Variants in LUZP1 observed in about 807,000 individuals in gnomAD.
LUZP1 encodes the protein leucine zipper protein 1, also known as filamin mechanobinding actin cross-linking protein.
LUZP1 carries 25 observed loss-of-function variants against 71.3 expected under a neutral mutation model. The ratio of observed to expected loss-of-function variants is 0.35; its 90% CI spans 0.26 to 0.49. LUZP1 has a LOEUF of 0.49. LUZP1 is among the 20% of genes least tolerant of loss of function. LUZP1 has a pLI of 0.99. For missense variants in LUZP1, 1,142 were observed against 1,300.8 expected (o/e 0.88, Z 1.88); for synonymous variants, 481 against 506.4 (o/e 0.95, Z 0.67).
chr1:23,137,689 TA>T (rs533792226), intron 2 of LUZP1, among the ~76,000 whole-genome samples: 43 of 151,244 alleles, frequency 2.8e-4, no homozygotes, highest in African/African-American at 9.0e-4. Context: ...ATGGCTGTAA[TA>T]AAAAAAAGAC....
intron 3 of LUZP1, among the ~76,000 whole-genome samples, chr1:23,105,528 G>A (rs1643973381): frequency 6.6e-6 from 1 of 152,158 alleles, no homozygotes; most frequent in South Asian, 2.1e-4. Flanking sequence ...TACCTATAAG[G>A]TTATGGTATG....
At chr1:23,128,942 T>G (rs72657851) in intron 2 of LUZP1, among the ~76,000 whole-genome samples, 8,475 of 152,294 alleles carry the variant, frequency 0.056, 300 homozygotes, top group Non-Finnish European at 0.084. Context: ...CAATAAACAT[T>G]AACAGCATAA....
exon 4 of LUZP1, chr1:23,091,970 A>C (rs751890782): frequency 6.2e-7 from 1 of 1,613,984 alleles, no homozygotes; most frequent in South Asian, 1.1e-5. Flanking sequence ...TTTTTTTCAC[A>C]TCCTTATCAA....
At chr1:23,084,020 A>AGTCT (rs1335557421), downstream of LUZP1, 2 of 152,208 alleles carry the variant, frequency 1.3e-5, no homozygotes, top group African/African-American at 4.8e-5. Context: ...GCTGAAACAA[A>AGTCT]GTCTGAGCCT....
chr1:23,094,228 A>T lies in LUZP1; in HGVS notation c.34T>A (p.Ser12Thr). 6.2e-7 allele frequency: 1 copy of T among 1,612,904 alleles called. No individual in the cohort carries two copies. Among genetic ancestry groups the T allele is most frequent in the South Asian group, 1.1e-5 (1 of 90,884 alleles). Reference sequence around the variant, plus strand: ...AGCTTAAACCGCAAGTGGCGGCTGGAGGCCGTCTCCTTGTAGCTTGTAAAT... The same window carrying T: ...AGCTTAAACCGCAAGTGGCGGCTGGTGGCCGTCTCCTTGTAGCTTGTAAAT... The change falls in exon 4 of 5, where the codon TCC (serine) becomes ACC (threonine). Residue 12 changes from serine to threonine, a missense_variant. Physicochemically the swap from Ser to Thr is moderately conservative, Grantham distance 58. Transcript: ENST00000302291. The surrounding 1 kb of genome is among the most constrained non-coding windows in gnomAD (Gnocchi z 4.7).
chr1:23,120,173 G>A (rs766494986), intron 2 of LUZP1, among the ~76,000 whole-genome samples: 2 of 151,164 alleles, frequency 1.3e-5, no homozygotes, highest in Non-Finnish European at 3.0e-5. Context: ...AAACTCCAGA[G>A]CTCGAGCAAT....
chr1:23,132,455 C>T (rs1018144286), intron 2 of LUZP1, among the ~76,000 whole-genome samples: 6 of 151,418 alleles, frequency 4.0e-5, no homozygotes, highest in Non-Finnish European at 7.4e-5. Flanking sequence ...CTTTACTGTC[C>T]AATTCTTAAT....
At chr1:23,139,425 G>C (rs1046307133) in intron 2 of LUZP1, among the ~76,000 whole-genome samples, 4 of 152,004 alleles carry the variant, frequency 2.6e-5, no homozygotes, top group Admixed American at 2.6e-4. Flanking sequence ...GAACTGCACA[G>C]GTCCATTTAC....
At chr1:23,088,374 AAG>A (rs1643799514) in exon 5 of LUZP1, 1 of 152,938 alleles carries the variant, frequency 6.5e-6, no homozygotes, top group African/African-American at 2.4e-5. Flanking sequence ...GTCTGAAGAA[AAG>A]AACTCCAAGG....
chr1:23,088,684 A>T (rs984225171), exon 5 of LUZP1: 20 of 534,528 alleles, frequency 3.7e-5, no homozygotes, highest in Middle Eastern at 4.9e-4. Context: ...GCATTGGGGA[A>T]GGTTGGGCCT....
chr1:23,175,088 AG>A (rs1025169530), intron 1 of LUZP1, among the ~76,000 whole-genome samples: 6 of 152,098 alleles, frequency 3.9e-5, no homozygotes, highest in Non-Finnish European at 5.9e-5. Context: ...TAAAGGTTAT[AG>A]GGGGTCATTA....
chr1:23,177,611 G>A (rs928397803), exon 1 of LUZP1: 1 of 152,474 alleles, frequency 6.6e-6, no homozygotes, highest in African/African-American at 2.4e-5. Context: ...CGCTTGACAG[G>A]ACTCAGCCTC....
chr1:23,099,058 T>C (rs1643912186), intron 3 of LUZP1, among the ~76,000 whole-genome samples: 1 of 152,208 alleles, frequency 6.6e-6, no homozygotes, highest in Non-Finnish European at 1.5e-5. Context: ...TGTCCTCTCA[T>C]CTTTGCCTCT....
At chr1:23,155,671 C>T (rs997192220) in intron 2 of LUZP1, among the ~76,000 whole-genome samples, 26 of 152,284 alleles carry the variant, frequency 1.7e-4, no homozygotes, top group African/African-American at 5.8e-4. Flanking sequence ...CTTAAATGGG[C>T]CAGGCGTGGT....
At chr1:23,113,893 A>G (rs1192331304) in intron 2 of LUZP1, among the ~76,000 whole-genome samples, 3 of 152,164 alleles carry the variant, frequency 2.0e-5, no homozygotes, top group African/African-American at 4.8e-5. Flanking sequence ...AAAGAAAAAA[A>G]AAAAAGAAAA....
intron 2 of LUZP1, among the ~76,000 whole-genome samples, chr1:23,153,828 C>T (rs1177046585): frequency 6.6e-6 from 1 of 152,178 alleles, no homozygotes; most frequent in Non-Finnish European, 1.5e-5. Context: ...ATCTCAGCTA[C>T]TCAGGAGGCT....
intron 2 of LUZP1, among the ~76,000 whole-genome samples, chr1:23,146,854 T>C (rs1353241623): frequency 6.6e-6 from 1 of 151,590 alleles, no homozygotes; most frequent in Non-Finnish European, 1.5e-5. Context: ...TCCCAGCACT[T>C]TGGGAGGCCG....
At chr1:23,117,911 GA>G (rs533075528) in intron 2 of LUZP1, among the ~76,000 whole-genome samples, 76 of 152,138 alleles carry the variant, frequency 5.0e-4, no homozygotes, top group African/African-American at 1.8e-3. Flanking sequence ...CAAACATGGT[GA>G]AACCCTGTCT....
At chr1:23,157,383 A>G (rs938780619) in intron 2 of LUZP1, among the ~76,000 whole-genome samples, 2 of 152,218 alleles carry the variant, frequency 1.3e-5, no homozygotes, top group Non-Finnish European at 2.9e-5. Flanking sequence ...TTGTTTTTAA[A>G]AAGCCGTCCT....
Sources: gnomAD v4.1 joint callset for allele counts (sites outside exome capture counted in the v4.1 genomes callset) on GRCh38, gnomAD v4.1.1 for gene constraint, Gnocchi (gnomAD v3.1) non-coding constraint, MANE v1.5 for transcripts, NCBI Gene and HGNC (gene_info 2026-07-23, HGNC 2026-07-21) for gene names.